Variants in PTPRD observed in about 807,000 individuals in gnomAD.
The protein encoded by PTPRD is protein tyrosine phosphatase receptor type D, also known as receptor-type tyrosine-protein phosphatase delta.
PTPRD carries 34 observed loss-of-function variants against 214.5 expected under a neutral mutation model. The ratio of observed to expected loss-of-function variants is 0.16; its 90% confidence interval spans 0.12 to 0.21. The LOEUF (loss-of-function observed/expected upper bound fraction) is 0.21, where lower values mean the gene tolerates loss of function less well. Ranked by LOEUF, PTPRD falls within the 10% of genes least tolerant of loss-of-function variation. The pLI, the probability that PTPRD is intolerant of heterozygous loss-of-function variation, is 1.00. For missense variants in PTPRD, 2,545 were observed against 2,398.7 expected (o/e 1.06, Z -1.27); for synonymous variants, 1,128 against 845.7 (o/e 1.33, Z -5.79).
At chr9:8,329,750 TTGCTGAGC>T (rs1222835695) in intron 44 of PTPRD, among the ~76,000 whole-genome samples, 2 of 152,144 alleles carry the variant, frequency 1.3e-5, no homozygotes, top group East Asian at 3.9e-4. Flanking sequence ...GCAGTTGGCC[TTGCTGAGC>T]TGCAGTGGAC....
intron 7 of PTPRD, among the ~76,000 whole-genome samples, chr9:9,621,680 A>G (rs2095245655): frequency 6.6e-6 from 1 of 152,146 alleles, no homozygotes; most frequent in South Asian, 2.1e-4. Flanking sequence ...ATAAGGTGCA[A>G]TCTGGTTTTA....
chr9:8,474,324 CCTT>C (rs1234571949), intron 30 of PTPRD, among the ~76,000 whole-genome samples: 1 of 152,066 alleles, frequency 6.6e-6, no homozygotes, highest in Non-Finnish European at 1.5e-5. Context: ...GGGTTCATGG[CCTT>C]CTTTTTTCTC....
rs183283783 is a variant in PTPRD, at chr9:8,943,530, C to T, written c.-104+75167G>A. On this transcript the variant is annotated intron_variant, in intron 11 of 45. Coordinates refer to ENST00000381196, the MANE Select transcript of PTPRD (RefSeq NM_002839.4). ...CCAAGAACATACACTGTGGAAAGGACAGTTTCTTCAATAAATAATAAATTA... is the reference window on the plus strand; with the variant it reads ...CCAAGAACATACACTGTGGAAAGGATAGTTTCTTCAATAAATAATAAATTA... 7.1e-4 allele frequency among the ~76,000 whole-genome samples: 108 copies of T among 151,464 alleles called. 1 individual carries two copies. Among genetic ancestry groups the T allele is most frequent in the Admixed American group, 1.3e-3 (20 of 15,220 alleles).
At chr9:8,480,785 T>C (rs1401353013) in intron 30 of PTPRD, among the ~76,000 whole-genome samples, 1 of 152,180 alleles carries the variant, frequency 6.6e-6, no homozygotes, top group African/African-American at 2.4e-5. Context: ...CCCGCTGTCA[T>C]ACTGAAATTG....
chr9:8,839,971 G>C (rs192715598), intron 11 of PTPRD, among the ~76,000 whole-genome samples: 22 of 152,292 alleles, frequency 1.4e-4, no homozygotes, highest in African/African-American at 4.8e-4. Flanking sequence ...ACTCGAGTTA[G>C]AACAGTGTGT....
rs1241211819 is a variant in PTPRD, at chr9:8,389,330, C to T, written c.4288G>A (p.Gly1430Arg). 6.2e-7 allele frequency: 1 copy of T among 1,612,832 alleles called. No homozygotes were observed. The highest frequency in any genetic ancestry group is 8.5e-7 in the Non-Finnish European group (1 of 1,179,252). The change falls in exon 37 of 46, where the codon GGA (glycine) becomes AGA (arginine). Residue 1430 changes from glycine (G) to arginine (R), a missense_variant. Transcript: ENST00000381196. ...RKQNAYIATQ[G>R]SLPETFGDFW... ...TCCCCAAATGTTTCGGGGAGAGATC[C>T]CTGTGTTGCAATATAGGCATTTTGC...
intron 9 of PTPRD, among the ~76,000 whole-genome samples, chr9:9,395,278 T>A (rs1436267918): frequency 2.0e-5 from 3 of 152,072 alleles, no homozygotes; most frequent in Non-Finnish European, 2.9e-5. Context: ...TGAGAACTTG[T>A]TGAAAATGTA....
chr9:9,795,761 T>G (rs1270033902), intron 5 of PTPRD, among the ~76,000 whole-genome samples: 1 of 141,820 alleles, frequency 7.1e-6, no homozygotes, highest in Non-Finnish European at 1.5e-5. Flanking sequence ...TGTTTCCTAT[T>G]GTATCCTATT....
intron 2 of PTPRD, among the ~76,000 whole-genome samples, chr9:10,437,509 C>G (rs1398106409): frequency 6.6e-6 from 1 of 151,654 alleles, no homozygotes; most frequent in Non-Finnish European, 1.5e-5. Flanking sequence ...TCAGAAGTTA[C>G]CTTAAGGATG....
chr9:10,572,985 T>G (rs973942724), intron 2 of PTPRD, among the ~76,000 whole-genome samples: 1 of 152,156 alleles, frequency 6.6e-6, no homozygotes, highest in African/African-American at 2.4e-5. Flanking sequence ...GATGAGGTAC[T>G]GTATAGAAGA....
rs867554045 is a variant in PTPRD at position 10,548,588 on chromosome 9, T to C, written c.-600+63810A>G. Among the ~76,000 whole-genome samples, 102 of 152,124 alleles carry C rather than the reference T, an allele frequency of 6.7e-4. 1 individual carries two copies. The highest frequency in any genetic ancestry group is 2.2e-3 in the African/African-American group (90 of 41,422). On this transcript the variant is annotated intron_variant, in intron 2 of 45. Coordinates refer to ENST00000381196, the MANE Select transcript of PTPRD (RefSeq NM_002839.4). ...AGTCTCAGCGTAAGCACTGACCATG[T>C]GGTGTCCCTGGCTCCTGGAATCACA... is the stretch of plus-strand genomic sequence containing the variant.
chr9:10,245,819 A>C (rs539730401), intron 3 of PTPRD, among the ~76,000 whole-genome samples: 11 of 152,252 alleles, frequency 7.2e-5, no homozygotes, highest in Admixed American at 2.6e-4. Context: ...GGTGCAAGCT[A>C]AGTAAGCTCA....
intron 4 of PTPRD, among the ~76,000 whole-genome samples, chr9:9,955,039 A>C (rs2093788385): frequency 6.6e-6 from 1 of 152,194 alleles, no homozygotes; most frequent in Non-Finnish European, 1.5e-5. Context: ...AGGTCAAACT[A>C]AATGCTAAAG....
At position 9,242,627 on chromosome 9, in the gene PTPRD, T is replaced by A. The variant is rs1042815725; in HGVS notation, c.-202-59264A>T. 5.1e-4 allele frequency among the ~76,000 whole-genome samples: 77 copies of A among 152,210 alleles called. 1 individual carries two copies. The highest frequency in any genetic ancestry group is 2.6e-4 in the Admixed American group (4 of 15,272). On this transcript the variant is annotated intron_variant, in intron 9 of 45. Coordinates refer to ENST00000381196, the MANE Select transcript of PTPRD (RefSeq NM_002839.4). ...CACTGATACCCTTTCTTCCAGTTGATCGAATCAGCTACTGAAGCTTGTGCA... is the reference window on the plus strand; with the variant it reads ...CACTGATACCCTTTCTTCCAGTTGAACGAATCAGCTACTGAAGCTTGTGCA...
At chr9:9,099,881 C>A (rs566886490) in intron 10 of PTPRD, among the ~76,000 whole-genome samples, 1 of 152,090 alleles carries the variant, frequency 6.6e-6, no homozygotes, top group Admixed American at 6.5e-5. Flanking sequence ...GAGAGCTACA[C>A]TGAAGGGTGA....
At chr9:9,121,850 T>G (rs1252054338) in intron 10 of PTPRD, among the ~76,000 whole-genome samples, 1 of 152,134 alleles carries the variant, frequency 6.6e-6, no homozygotes, top group East Asian at 1.9e-4. Flanking sequence ...AAAATCTCCA[T>G]TCTTGTAAAA....
chr9:9,132,046 T>C (rs539217110), intron 10 of PTPRD, among the ~76,000 whole-genome samples: 7 of 150,628 alleles, frequency 4.6e-5, no homozygotes, highest in Non-Finnish European at 7.5e-5. Context: ...CTGTCTCTGT[T>C]GCCCAGGCTG....
intron 22 of PTPRD, among the ~76,000 whole-genome samples, chr9:8,505,772 A>G (rs2097532774): frequency 6.6e-6 from 1 of 152,202 alleles, no homozygotes; most frequent in Non-Finnish European, 1.5e-5. Context: ...GAAATTCCCT[A>G]AATAAGCAAT....
intron 14 of PTPRD, among the ~76,000 whole-genome samples, chr9:8,556,983 T>C (rs2084009204): frequency 6.6e-6 from 1 of 152,188 alleles, no homozygotes; most frequent in South Asian, 2.1e-4. Context: ...ATTAATACAA[T>C]ATTGGCAATA....
Sources: allele counts gnomAD v4.1 joint callset (sites outside exome capture counted in the v4.1 genomes callset), GRCh38; gene constraint gnomAD v4.1.1; transcripts MANE v1.5; gene names NCBI Gene and HGNC (gene_info 2026-07-23, HGNC 2026-07-21).